The following HIPK3 variants were observed in gnomAD, a reference collection of about 807,000 sequenced individuals.
HIPK3 encodes the protein homeodomain interacting protein kinase 3, also known as homeodomain-interacting protein kinase 3.
Under a neutral mutation model 124.2 loss-of-function variants are expected in HIPK3, and 47 were observed. The ratio of observed to expected loss-of-function variants is 0.38; its 90% confidence interval spans 0.30 to 0.48. HIPK3 has a LOEUF of 0.48. Among genes scored for constraint, HIPK3 ranks in the 20% least tolerant of loss-of-function variants. The pLI, the probability that HIPK3 is intolerant of heterozygous loss-of-function variation, is 0.98. For synonymous variants in HIPK3, 482 were observed against 515.2 expected (o/e 0.94, Z 0.87); for missense variants, 1,286 against 1,454.3 (o/e 0.88, Z 1.88).
chr11:33,264,415 C>T (rs1302117805), intron 1 of HIPK3, among the ~76,000 whole-genome samples: 4 of 152,260 alleles, frequency 2.6e-5, no homozygotes, highest in African/African-American at 9.6e-5. Flanking sequence ...CCCTGCTTAG[C>T]CTCCAAGATC....
chr11:33,335,357 G>T (rs796653334), intron 3 of HIPK3, among the ~76,000 whole-genome samples: 12 of 152,282 alleles, frequency 7.9e-5, no homozygotes, highest in African/African-American at 2.2e-4. Context: ...CAGAGTTAAA[G>T]ACTGTCAGGA....
intron 2 of HIPK3, among the ~76,000 whole-genome samples, chr11:33,288,755 T>G (rs955392788): frequency 6.6e-6 from 1 of 152,230 alleles, no homozygotes. Flanking sequence ...ATTCATAGTT[T>G]GATAACTTTG....
Position 33,337,156 on chromosome 11 carries a change from A to T in HIPK3, c.1303A>T (p.Lys435Ter). 1 of 1,571,050 alleles carries T rather than the reference A, an allele frequency of 6.4e-7. No individual in the cohort carries two copies. The highest frequency in any genetic ancestry group is 8.8e-7 in the Non-Finnish European group (1 of 1,142,136). Residue 435 changes from lysine (K) to a stop codon, truncating the protein, a stop_gained, in exon 4 of 17, where the codon AAA becomes TAA. Coordinates refer to ENST00000303296, the MANE Select transcript of HIPK3 (RefSeq NM_005734.5). LOFTEE classifies it high-confidence loss of function. ...VGTKSTRFFCKETDMSHSGWR... is the reference protein window; with the variant it reads ...VGTKSTRFFC ...TACTAAATCCACAAGATTTTTTTGCAAAGAAACAGATATGTCTCATTCTGG... is the reference window on the plus strand; with the variant it reads ...TACTAAATCCACAAGATTTTTTTGCTAAGAAACAGATATGTCTCATTCTGG...
At chr11:33,306,387 G>A (rs1269688625) in intron 2 of HIPK3, among the ~76,000 whole-genome samples, 2 of 152,076 alleles carry the variant, frequency 1.3e-5, no homozygotes, top group East Asian at 3.8e-4. Context: ...ATTTTTGCTT[G>A]TAATATGGTT....
intron 1 of HIPK3, among the ~76,000 whole-genome samples, chr11:33,281,671 A>G (rs373304912): frequency 9.2e-5 from 14 of 152,260 alleles, no homozygotes; most frequent in Non-Finnish European, 1.9e-4. Flanking sequence ...ATATATGCAT[A>G]TAATTCCTCT....
chr11:33,324,460 T>C (rs183313405), intron 2 of HIPK3, among the ~76,000 whole-genome samples: 9 of 152,316 alleles, frequency 5.9e-5, no homozygotes, highest in Admixed American at 5.9e-4. Flanking sequence ...TTCTCTATGA[T>C]AGATAACGTA....
chr11:33,353,092 G>A lies in HIPK3; in HGVS notation c.3172G>A (p.Val1058Ile). 1 of 1,590,584 alleles carries A rather than the reference G, an allele frequency of 6.3e-7. No homozygotes were observed. Among genetic ancestry groups the A allele is most frequent in the Non-Finnish European group, 8.6e-7 (1 of 1,163,530 alleles). ...FQQQHLNFSQ[V>I]QHFGSGHQEW... ...ATTTTTTTTTTTTCTTTGTGGATAG[G>A]TTCAGCACTTTGGATCTGGGCATCA... The change falls in exon 17 of 17, where the codon GTT becomes ATT. Residue 1058 changes from valine (V) to isoleucine (I), a missense_variant and splice_region_variant. Physicochemically the swap from Val to Ile is conservative, Grantham distance 29 (BLOSUM62 3). This residue lies in a region of HIPK3 where 810 missense variants were observed against 864.9 expected (regional missense o/e 0.94). Transcript: ENST00000303296.
At chr11:33,344,901 C>A (rs549625903) in intron 8 of HIPK3, among the ~76,000 whole-genome samples, 2 of 152,218 alleles carry the variant, frequency 1.3e-5, no homozygotes, top group South Asian at 4.1e-4. Context: ...CTTCTTGCCC[C>A]TCCCCTTCAT....
upstream of HIPK3, chr11:33,257,194 G>T (rs952082617): frequency 2.3e-5 from 22 of 974,376 alleles, no homozygotes; most frequent in Non-Finnish European, 2.2e-5. Context: ...GGCGGGCTCC[G>T]GGCAACAAGG....
intron 16 of HIPK3, 55 bp from the exon 17 acceptor site, chr11:33,353,037 C>T: frequency 1.9e-6 from 2 of 1,058,966 alleles, no homozygotes; most frequent in East Asian, 2.4e-5. Flanking sequence ...TCTTTCTTTC[C>T]TTTTATCTTT....
chr11:33,261,190 T>C (rs1023101511), intron 1 of HIPK3, among the ~76,000 whole-genome samples: 1 of 147,078 alleles, frequency 6.8e-6, no homozygotes, highest in Admixed American at 6.9e-5. Context: ...ATATATATTA[T>C]ATATAAATAT....
chr11:33,308,742 C>CA (rs1852239497), intron 2 of HIPK3, among the ~76,000 whole-genome samples: 1 of 139,722 alleles, frequency 7.2e-6, no homozygotes, highest in African/African-American at 2.6e-5. Context: ...TTTCTTTTAA[C>CA]TTTTTTTTTT....
At chr11:33,285,122 T>G (rs1851512965) in intron 1 of HIPK3, among the ~76,000 whole-genome samples, 1 of 152,208 alleles carries the variant, frequency 6.6e-6, no homozygotes, top group African/African-American at 2.4e-5. Context: ...CAAATAATGT[T>G]TATAAAATCA....
At position 33,349,149 on chromosome 11, in the gene HIPK3, G is replaced by A. The variant is rs767689041; in HGVS notation, c.2669G>A (p.Cys890Tyr). 1 of 1,612,642 alleles carries A rather than the reference G, an allele frequency of 6.2e-7. No individual in the cohort carries two copies. The highest frequency in any genetic ancestry group is 8.5e-7 in the Non-Finnish European group (1 of 1,179,342). Residue 890 changes from cysteine (C) to tyrosine (Y), a missense_variant and splice_region_variant, in exon 14 of 17, where the codon TGT becomes TAT. Physicochemically the swap from Cys to Tyr is radical, Grantham distance 194. This residue lies in a region of HIPK3 where 810 missense variants were observed against 864.9 expected (regional missense o/e 0.94). Transcript: ENST00000303296. ...ETSQRHSLRE[C>Y]KGSLDCEACQ... ...TTTTCCCTTTTCTCTTCCACTAGATGTAAAGGTAGTCTAGATTGTGAAGCT... is the reference window on the plus strand; with the variant it reads ...TTTTCCCTTTTCTCTTCCACTAGATATAAAGGTAGTCTAGATTGTGAAGCT...
In HIPK3 at chr11:33,347,722, G is replaced by A. The variant is rs752153289; in HGVS notation, c.2113G>A (p.Val705Met). The A allele has an allele frequency of 1.9e-5, 30 of 1,614,074 alleles. No individual in the cohort carries two copies. The highest frequency in any genetic ancestry group is 2.4e-5 in the Non-Finnish European group (28 of 1,180,030). Residue 705 changes from valine to methionine, a missense_variant, in exon 10 of 17, where the codon GTG (valine) becomes ATG (methionine). By Grantham distance (21) the Val-to-Met change is conservative. Coordinates refer to ENST00000303296, the MANE Select transcript of HIPK3 (RefSeq NM_005734.5). ...TACTACTACACTAACTTCTGAGAGT[G>A]TGGCTGGTTCACACAGGCTTGGAGA... ...PATTTLTSESVAGSHRLGDWG... is the reference protein window; with the variant it reads ...PATTTLTSESMAGSHRLGDWG...
intron 8 of HIPK3, 39 bp downstream of exon 8, chr11:33,341,725 G>A (rs921388270): frequency 1.3e-6 from 2 of 1,535,090 alleles, no homozygotes; most frequent in South Asian, 2.4e-5. Context: ...ATCTAGGCAT[G>A]CTTTATTTTA....
At chr11:33,291,040 C>G (rs1037399042) in intron 2 of HIPK3, among the ~76,000 whole-genome samples, 1 of 151,988 alleles carries the variant, frequency 6.6e-6, no homozygotes, top group Non-Finnish European at 1.5e-5. Context: ...CATTTAGATC[C>G]AAGAGTTAGA....
chr11:33,353,190 C>T lies in HIPK3; in HGVS notation c.3270C>T (p.Phe1090=), dbSNP rs200186370. 1.2e-6 allele frequency: 2 copies of T among 1,613,534 alleles called. No individual in the cohort carries two copies. Among genetic ancestry groups the T allele is most frequent in the African/African-American group, 2.7e-5 (2 of 74,844 alleles). Residue 1090 remains phenylalanine, a synonymous_variant, in exon 17 of 17, where the codon TTC becomes TTT. Coordinates refer to ENST00000303296, the MANE Select transcript of HIPK3 (RefSeq NM_005734.5). ...CTACTAGTGTTACCAGTAATCCATT[C>T]ACTCTTTCTCATGGAAGTCCCAATC... ...YIPTSVTSNP[F]TLSHGSPNHT...
chr11:33,323,222 G>A (rs1023302576), intron 2 of HIPK3, among the ~76,000 whole-genome samples: 1 of 152,110 alleles, frequency 6.6e-6, no homozygotes, highest in Non-Finnish European at 1.5e-5. Flanking sequence ...CAAAGACTAC[G>A]TATTATGGGA....
Sources: gnomAD v4.1 joint callset for allele counts (sites outside exome capture counted in the v4.1 genomes callset) on GRCh38, gnomAD v4.1.1 for gene constraint, gnomAD v4.1.1 regional missense constraint, MANE v1.5 for transcripts, NCBI Gene and HGNC (gene_info 2026-07-23, HGNC 2026-07-21) for gene names.